The following SEC16A variants were observed in gnomAD, a reference collection of about 807,000 sequenced individuals.
SEC16A encodes the protein SEC16 homolog A, endoplasmic reticulum export factor.
SEC16A carries 110 observed loss-of-function variants against 221.9 expected under a neutral mutation model. That is an observed-to-expected ratio of 0.50 (90% CI 0.42 to 0.58). The LOEUF (loss-of-function observed/expected upper bound fraction) is 0.58. Among genes scored for constraint, SEC16A ranks in the 20% least tolerant of loss-of-function variants. The pLI is 0.00. For missense variants in SEC16A, 3,165 were observed against 3,097.8 expected (o/e 1.02, Z -0.52); for synonymous variants, 1,393 against 1,257.7 (o/e 1.11, Z -2.28).
chr9:136,481,161 G>A (rs1324259843), intron 1 of SEC16A, among the ~76,000 whole-genome samples: 3 of 131,978 alleles, frequency 2.3e-5, no homozygotes, highest in Non-Finnish European at 4.7e-5. Context: ...TTGAGACGGA[G>A]TCTTGCTCTT....
rs981955934 is a variant in SEC16A, at chr9:136,459,613, A to C, written c.5192-58T>G. On this transcript the variant is annotated intron_variant, in intron 15 of 31. Transcript: ENST00000684901. The surrounding 1 kb of genome is among the most constrained non-coding windows in gnomAD (Gnocchi z 6.1). The stretch of plus-strand genomic sequence containing the variant: ...CTCAGCGACCGGGAGCGCTTGCAGA[A>C]GTCAAGGACGCGCACAGAAGGCACC... The C allele has an allele frequency of 2.8e-6, 4 of 1,439,752 alleles. No homozygotes were observed. In the East Asian group the frequency reaches 9.8e-5, roughly 35 times the overall value. The allele number at this position is 1,439,752 out of a possible 1,614,324, so 89.2% of individuals were successfully genotyped here.
Position 136,466,007 on chromosome 9 carries a change from C to T in SEC16A, c.4258G>A (p.Glu1420Lys), listed in dbSNP as rs1173216684. 6.2e-7 allele frequency: 1 copy of T among 1,613,660 alleles called. No homozygotes were observed. Among genetic ancestry groups the T allele is most frequent in the Non-Finnish European group, 8.5e-7 (1 of 1,179,900 alleles). ...SNFSSGPGFPEYGYPADTVWP... is the reference protein window; with the variant it reads ...SNFSSGPGFPKYGYPADTVWP... ...ACGGTGTCGGCAGGGTAGCCATACT[C>T]TGGGAAGCCGGGGCCACTGCTGAAA... The change falls in exon 8 of 32, where the codon GAG (glutamate) becomes AAG (lysine). Residue 1420 changes from glutamate to lysine, a missense_variant. Physicochemically the swap from Glu to Lys is moderately conservative, Grantham distance 56. Around this residue, in one of 3 missense-constraint regions of SEC16A, gnomAD observed 2,030 missense variants for 1,923.1 expected, o/e 1.06. Transcript: ENST00000684901. The surrounding 1 kb of genome is among the most constrained non-coding windows in gnomAD (Gnocchi z 5.5).
In SEC16A at chr9:136,463,494, T is replaced by G. The variant is rs377035577; in HGVS notation, c.4616A>C (p.Asn1539Thr). ...TTGTCTGCATAAGAGAACAATAAAA[T>G]TCCAAAGAAGACTTGCAGACTCTTT... is the stretch of plus-strand genomic sequence containing the variant. ...IDKESASLLW[N>T]FIVLLCRQNG... The change falls in exon 11 of 32, where the codon AAT becomes ACT. Residue 1539 changes from asparagine to threonine, a missense_variant. Asn to Thr is a moderately conservative substitution (Grantham distance 65, BLOSUM62 0). Transcript: ENST00000684901. 7 of 1,613,768 alleles carry G rather than the reference T, an allele frequency of 4.3e-6. No homozygotes were observed. Among genetic ancestry groups the G allele is most frequent in the African/African-American group, 1.3e-5 (1 of 74,938 alleles).
In SEC16A at chr9:136,459,258, AT is replaced by A; in HGVS notation, c.5304-20del. 3 of 1,607,852 alleles carry A rather than the reference AT, an allele frequency of 1.9e-6. No individual in the cohort carries two copies. The highest frequency in any genetic ancestry group is 1.7e-6 in the Non-Finnish European group (2 of 1,176,716). ...TGGCAAACTGTAGAGGAAGTGAATTATTTTGATTTGGAAAAAATGGCCAATT... is the reference window on the plus strand; with the variant it reads ...TGGCAAACTGTAGAGGAAGTGAATTATTTGATTTGGAAAAAATGGCCAATT... On this transcript the variant is annotated intron_variant, in intron 16 of 31. Transcript: ENST00000684901. The surrounding 1 kb of genome is among the most constrained non-coding windows in gnomAD (Gnocchi z 6.1).
At position 136,448,390 on chromosome 9, in the gene SEC16A, C is replaced by T; in HGVS notation, c.6313-229G>A. 1 of 690,534 alleles carries T rather than the reference C, an allele frequency of 1.4e-6. No homozygotes were observed. The highest frequency in any genetic ancestry group is 2.6e-6 in the Non-Finnish European group (1 of 380,236). The allele number at this position is 690,534 out of a possible 1,614,324, so 42.8% of individuals were successfully genotyped here. On this transcript the variant is annotated intron_variant, in intron 23 of 31. Coordinates refer to ENST00000684901, the MANE Select transcript of SEC16A (RefSeq NM_014866.2). ...AGGAGGATGGAGGTGGGGGGCGATC[C>T]ACAGAGACACCAGGAGGATGGAGGT...
Position 136,475,826 on chromosome 9 carries a change from G to T in SEC16A, c.1790C>A (p.Pro597Gln). The T allele has an allele frequency of 6.3e-7, 1 of 1,581,242 alleles. No homozygotes were observed. The highest frequency in any genetic ancestry group is 1.3e-5 in the African/African-American group (1 of 74,286). Residue 597 changes from proline to glutamine, a missense_variant, in exon 3 of 32, where the codon CCG becomes CAG. Physicochemically the swap from Pro to Gln is moderately conservative, Grantham distance 76. Around this residue, in one of 3 missense-constraint regions of SEC16A, gnomAD observed 2,030 missense variants for 1,923.1 expected, o/e 1.06. Transcript: ENST00000684901. The surrounding 1 kb of genome is among the most constrained non-coding windows in gnomAD (Gnocchi z 5.0). ...SVSQPSTPSP[P>Q]KPTGIFQTSA... is the part of the protein sequence containing the mutation. ...TGTCTGAAATATTCCTGTAGGTTTC[G>T]GGGGGCTCGGGGTTGAGGGCTGGGA...
At chr9:136,467,200 C>A in intron 5 of SEC16A, 117 bp from the exon 6 acceptor site, 1 of 1,197,980 alleles carries the variant, frequency 8.3e-7, no homozygotes, top group Non-Finnish European at 1.2e-6. Context: ...CCTCGAGAAA[C>A]CCAGCTTCTT....
intron 13 of SEC16A, among the ~76,000 whole-genome samples, chr9:136,460,668 T>G (rs1839356065): frequency 6.6e-6 from 1 of 151,470 alleles, no homozygotes; most frequent in South Asian, 2.1e-4. Flanking sequence ...CCCAGCACTT[T>G]CAGAAGGCCA....
chr9:136,446,440 ATTTGTTT>A (rs898792201), intron 28 of SEC16A, among the ~76,000 whole-genome samples: 8 of 147,910 alleles, frequency 5.4e-5, no homozygotes, highest in Non-Finnish European at 1.0e-4. Flanking sequence ...CATGGGAGTC[ATTTGTTT>A]TTTGTTTTTT....
Position 136,451,382 on chromosome 9 carries a change from C to T in SEC16A, c.6186G>A (p.Ser2062=), listed in dbSNP as rs369764324. The part of the protein sequence containing the change: ...NLTPSRTVPD[S]EAPPGWDRAD... ...CACGATCCCACCCTGGGGGGGCCTC[C>T]GAGTCTGGCACCGTCCTCGAGGGGG... Residue 2062 remains serine (S), a synonymous_variant, in exon 23 of 32, where the codon TCG becomes TCA. Transcript: ENST00000684901. The T allele has an allele frequency of 2.4e-5, 38 of 1,611,468 alleles. No homozygotes were observed. In the South Asian group the frequency reaches 2.5e-4, roughly 11 times the overall value.
rs776873259 is a variant in SEC16A, at chr9:136,476,134, C to A, written c.1482G>T (p.Gly494=). Residue 494 remains glycine, a synonymous_variant, in exon 3 of 32, where the codon GGG becomes GGT. Transcript: ENST00000684901. Reference sequence around the variant, plus strand: ...CAGCACCATGCCTGGGCACAGCTGGCCCAGGAAGGGGCCCATATCTGAACT... The same window carrying A: ...CAGCACCATGCCTGGGCACAGCTGGACCAGGAAGGGGCCCATATCTGAACT... ...SDQFRYGPLP[G]PAVPRHGAVC... The A allele has an allele frequency of 6.2e-7, 1 of 1,613,734 alleles. No individual in the cohort carries two copies. Among genetic ancestry groups the A allele is most frequent in the South Asian group, 1.1e-5 (1 of 91,080 alleles).
intron 3 of SEC16A, among the ~76,000 whole-genome samples, chr9:136,472,526 C>A (rs1025063036): frequency 2.6e-5 from 4 of 152,226 alleles, no homozygotes; most frequent in Admixed American, 6.5e-5. Context: ...ATTTGAACAA[C>A]CCCTGCGTCC....
rs971199346 is a variant in SEC16A, at chr9:136,482,990, G to C, written c.-244C>G. 4 of 985,068 alleles carry C rather than the reference G, an allele frequency of 4.1e-6. No individual in the cohort carries two copies. Among genetic ancestry groups the C allele is most frequent in the African/African-American group, 3.5e-5 (2 of 57,142 alleles). 61.0% of individuals were successfully genotyped at this position (985,068 alleles called of 1,614,324 possible). On this transcript the variant is annotated 5_prime_UTR_variant, in exon 1 of 32. Transcript: ENST00000684901. ...AGCCGCGGGCGAAAGCCCACCCGAC[G>C]CTGGCGACGAGCACAGACACCTCAG...
chr9:136,473,988 G>C, intron 3 of SEC16A, 61 bp downstream of exon 3: 2 of 1,508,606 alleles, frequency 1.3e-6, no homozygotes, highest in South Asian at 2.5e-5. Flanking sequence ...CACTGTGAGT[G>C]AGACTCAACT....
At chr9:136,460,214 G>A in intron 13 of SEC16A, 91 bp from the exon 14 acceptor site, 2 of 1,091,784 alleles carry the variant, frequency 1.8e-6, no homozygotes, top group Non-Finnish European at 2.7e-6. Flanking sequence ...TGTAATCCCA[G>A]CACTTTGGGA....
chr9:136,476,316 C>G lies in SEC16A; in HGVS notation c.1300G>C (p.Glu434Gln). 1 of 1,612,854 alleles carries G rather than the reference C, an allele frequency of 6.2e-7. No homozygotes were observed. The highest frequency in any genetic ancestry group is 8.5e-7 in the Non-Finnish European group (1 of 1,179,864). ...TCACCCCACACATCACCAGCAGCCT[C>G]ATTGCTGGGGCCTGGGAGAAGGGCC... The part of the protein sequence containing the change: ...CQALLPGPSN[E>Q]AAGDVWGDTA... Residue 434 changes from glutamate (E) to glutamine (Q), a missense_variant, in exon 3 of 32, where the codon GAG becomes CAG. Around this residue, in one of 3 missense-constraint regions of SEC16A, gnomAD observed 2,030 missense variants for 1,923.1 expected, o/e 1.06. Coordinates refer to ENST00000684901, the MANE Select transcript of SEC16A (RefSeq NM_014866.2).
intron 21 of SEC16A, among the ~76,000 whole-genome samples, chr9:136,453,788 C>T (rs1369852334): frequency 6.6e-6 from 1 of 152,242 alleles, no homozygotes; most frequent in East Asian, 1.9e-4. Context: ...TCATGACCTG[C>T]CCCTGTGCAT....
upstream of SEC16A, chr9:136,483,915 G>A (rs1842719492): frequency 2.0e-6 from 1 of 489,482 alleles, no homozygotes; most frequent in Non-Finnish European, 2.7e-6. Context: ...GCCGGAAGTT[G>A]GTCGATGGCT....
intron 12 of SEC16A, among the ~76,000 whole-genome samples, chr9:136,461,918 C>T (rs1839530760): frequency 6.7e-6 from 1 of 148,308 alleles, no homozygotes; most frequent in East Asian, 2.0e-4. Context: ...ACCAGCCTGG[C>T]AACATGGTGA....
Sources: allele counts gnomAD v4.1 joint callset (sites outside exome capture counted in the v4.1 genomes callset), GRCh38; gene constraint gnomAD v4.1.1; regional missense constraint gnomAD v4.1.1; non-coding constraint Gnocchi (gnomAD v3.1); transcripts MANE v1.5; gene names NCBI Gene and HGNC (gene_info 2026-07-23, HGNC 2026-07-21).